Variants in THAP9 observed in about 807,000 individuals in gnomAD.
THAP9 encodes the protein DNA transposase THAP9.
THAP9 carries 20 observed loss-of-function variants against 35.7 expected under a neutral mutation model. The ratio of observed to expected loss-of-function variants is 0.56; its 90% confidence interval spans 0.39 to 0.81. The LOEUF (loss-of-function observed/expected upper bound fraction) is 0.81, where lower values mean the gene tolerates loss of function less well. Ranked by LOEUF, THAP9 falls within the 40% of genes least tolerant of loss-of-function variation. The pLI is 0.00. For missense variants in THAP9, 870 were observed against 1,047.4 expected (o/e 0.83, Z 2.34); for synonymous variants, 335 against 373.7 (o/e 0.90, Z 1.19).
chr4:82,916,829 T>G (rs1344692461), intron 4 of THAP9, 115 bp from the exon 5 acceptor site: 3 of 802,644 alleles, frequency 3.7e-6, no homozygotes, highest in Non-Finnish European at 5.4e-6. Flanking sequence ...TGGCTGCTTA[T>G]ATACTTGGCT....
Position 82,919,008 on chromosome 4 carries a change from C to G in THAP9, c.*84C>G, listed in dbSNP as rs536403458. 38 of 1,175,552 alleles carry G rather than the reference C, an allele frequency of 3.2e-5. No homozygotes were observed. The highest frequency in any genetic ancestry group is 4.6e-5 in the African/African-American group (3 of 64,680). 72.8% of individuals were successfully genotyped at this position (1,175,552 alleles called of 1,614,324 possible). On this transcript the variant is annotated 3_prime_UTR_variant, in exon 5 of 5. Transcript: ENST00000302236. ...TCAATTTACCATATTTTATAAATTG[C>G]GCATTCTGCACAGTGGACAAGTTTG... is the stretch of plus-strand genomic sequence containing the variant.
intron 2 of THAP9, among the ~76,000 whole-genome samples, chr4:82,905,376 T>A (rs1720602613): frequency 6.6e-6 from 1 of 152,176 alleles, no homozygotes; most frequent in Non-Finnish European, 1.5e-5. Flanking sequence ...TATGAGTGAG[T>A]CACCAGTATT....
intron 3 of THAP9, 69 bp from the exon 4 acceptor site, chr4:82,907,716 C>A: frequency 1.7e-6 from 2 of 1,160,822 alleles, no homozygotes; most frequent in Non-Finnish European, 2.4e-6. Flanking sequence ...ATTTTATATC[C>A]AAATGCTATA....
chr4:82,914,797 C>T (rs937028588), intron 4 of THAP9, among the ~76,000 whole-genome samples: 1 of 152,180 alleles, frequency 6.6e-6, no homozygotes, highest in African/African-American at 2.4e-5. Flanking sequence ...TTTTGCTGTG[C>T]AGAAGCTCTT....
intron 4 of THAP9, among the ~76,000 whole-genome samples, chr4:82,911,293 T>G: frequency 8.5e-6 from 1 of 117,316 alleles, no homozygotes; most frequent in African/African-American, 2.5e-5. Flanking sequence ...TTTTGTCTTT[T>G]AAAAAGATGG....
In THAP9 at chr4:82,917,920, CA is replaced by C; in HGVS notation, c.1713del (p.Lys571AsnfsTer2). The C allele has an allele frequency of 1.2e-6, 2 of 1,613,780 alleles. No individual in the cohort carries two copies. The highest frequency in any genetic ancestry group is 1.7e-6 in the Non-Finnish European group (2 of 1,179,906). On this transcript the variant is annotated frameshift_variant, in exon 5 of 5. Transcript: ENST00000302236. LOFTEE classifies it high-confidence loss of function. Reference sequence around the variant, plus strand: ...CAATAATCAAATAATTAAAGGTAAGCAAAAACTAGGATTCCTGGGATTTTTG... The same window carrying C: ...CAATAATCAAATAATTAAAGGTAAGCAAAACTAGGATTCCTGGGATTTTTG... ...TSNNQIIKGK[Q>X]KLGFLGFLLN...
In THAP9 at chr4:82,918,853, T is replaced by G; in HGVS notation, c.2641T>G (p.Cys881Gly). The change falls in exon 5 of 5, where the codon TGT becomes GGT. Residue 881 changes from cysteine to glycine, a missense_variant. Coordinates refer to ENST00000302236, the MANE Select transcript of THAP9 (RefSeq NM_024672.6). ...KHWSSVQDYK[C>G]SSFANTSSKF... Reference sequence around the variant, plus strand: ...CTGGTCATCTGTACAGGATTATAAATGTTCAAGTTTTGCTAATACCAGTAG... The same window carrying G: ...CTGGTCATCTGTACAGGATTATAAAGGTTCAAGTTTTGCTAATACCAGTAG... The G allele has an allele frequency of 6.2e-7, 1 of 1,612,670 alleles. No homozygotes were observed. Among genetic ancestry groups the G allele is most frequent in the Non-Finnish European group, 8.5e-7 (1 of 1,179,380 alleles).
At chr4:82,913,621 G>C (rs1408168206) in intron 4 of THAP9, among the ~76,000 whole-genome samples, 1 of 151,884 alleles carries the variant, frequency 6.6e-6, no homozygotes. Context: ...TTGTTACATA[G>C]GTAAACTCCT....
At chr4:82,916,208 T>A (rs762836408) in intron 4 of THAP9, among the ~76,000 whole-genome samples, 3 of 152,242 alleles carry the variant, frequency 2.0e-5, no homozygotes, top group Non-Finnish European at 2.9e-5. Context: ...TAAATGTGGC[T>A]GTTTTCTTTC....
chr4:82,912,463 CA>C lies in THAP9; in HGVS notation c.732-4480del, dbSNP rs140101364. Among the ~76,000 whole-genome samples, 1,095 of 152,122 alleles carry C rather than the reference CA, an allele frequency of 7.2e-3. 15 individuals are homozygous for C. Among genetic ancestry groups the C allele is most frequent in the Middle Eastern group, 0.01 (3 of 294 alleles). On this transcript the variant is annotated intron_variant, in intron 4 of 4. Coordinates refer to ENST00000302236, the MANE Select transcript of THAP9 (RefSeq NM_024672.6). ...TAGATCTCTAGGACTATATTTTTCC[CA>C]GGCAGAATTTTAGGCCACCCAAGTG...
In THAP9 at chr4:82,918,625, T is replaced by C. The variant is rs1377940520; in HGVS notation, c.2413T>C (p.Cys805Arg). The change falls in exon 5 of 5, where the codon TGT becomes CGT. Residue 805 changes from cysteine (C) to arginine (R), a missense_variant. Cys to Arg is a radical substitution (Grantham distance 180). Around this residue, in one of 3 missense-constraint regions of THAP9, gnomAD observed 414 missense variants for 500.8 expected, o/e 0.83. Coordinates refer to ENST00000302236, the MANE Select transcript of THAP9 (RefSeq NM_024672.6). ...ATTGTATCTTCAACAGAAAATATTATGTGAGCTTTCTGGGCATATTAATCT... is the reference window on the plus strand; with the variant it reads ...ATTGTATCTTCAACAGAAAATATTACGTGAGCTTTCTGGGCATATTAATCT... ...RELYLQQKIL[C>R]ELSGHINLFV... 4 of 1,614,124 alleles carry C rather than the reference T, an allele frequency of 2.5e-6. No homozygotes were observed. Among genetic ancestry groups the C allele is most frequent in the Admixed American group, 1.7e-5 (1 of 60,012 alleles).
intron 2 of THAP9, among the ~76,000 whole-genome samples, chr4:82,905,207 T>C (rs985212679): frequency 6.6e-6 from 1 of 152,198 alleles, no homozygotes; most frequent in Non-Finnish European, 1.5e-5. Context: ...ATAAATAGCC[T>C]TAGAATACAG....
rs376098095 is a variant in THAP9 at position 82,916,969 on chromosome 4, C to G, written c.757C>G (p.Pro253Ala). 2.0e-6 allele frequency: 3 copies of G among 1,534,092 alleles called. No individual in the cohort carries two copies. Among genetic ancestry groups the G allele is most frequent in the Non-Finnish European group, 2.6e-6 (3 of 1,143,128 alleles). Residue 253 changes from proline to alanine, a missense_variant, in exon 5 of 5, where the codon CCA becomes GCA. Coordinates refer to ENST00000302236, the MANE Select transcript of THAP9 (RefSeq NM_024672.6). The stretch of plus-strand genomic sequence containing the variant: ...GTGGTTATCCAAATGCCAACCCAGT[C>G]CAGGTTTCAACAGCAACATTTTTTC... ...RTWLSKCQPSPGFNSNIFSFL... is the reference protein window; with the variant it reads ...RTWLSKCQPSAGFNSNIFSFL...
rs780021107 is a variant in THAP9 at position 82,918,355 on chromosome 4, C to T, written c.2143C>T (p.Leu715Phe). ...LLDLSDHRRN[L>F]ICYAGYVANK... ...AGACCTGTCAGATCATAGGCGAAAT[C>T]TCATCTGTTATGCTGGTTATGTTGC... The change falls in exon 5 of 5, where the codon CTC (leucine) becomes TTC (phenylalanine). Residue 715 changes from leucine to phenylalanine, a missense_variant. Coordinates refer to ENST00000302236, the MANE Select transcript of THAP9 (RefSeq NM_024672.6). The T allele has an allele frequency of 1.2e-6, 2 of 1,614,028 alleles. No individual in the cohort carries two copies. Among genetic ancestry groups the T allele is most frequent in the East Asian group, 2.2e-5 (1 of 44,892 alleles).
At chr4:82,905,039 T>G (rs558960635) in intron 2 of THAP9, 108 bp downstream of exon 2, 4 of 919,990 alleles carry the variant, frequency 4.3e-6, no homozygotes, top group South Asian at 3.6e-5. Context: ...ACCCAAGTCT[T>G]AAATCCAGTA....
intron 4 of THAP9, among the ~76,000 whole-genome samples, chr4:82,908,757 G>A (rs1720753330): frequency 6.6e-6 from 1 of 152,052 alleles, no homozygotes; most frequent in Admixed American, 6.5e-5. Context: ...ACCACACCCA[G>A]CTACTATTTT....
chr4:82,908,662 G>A (rs865904900), intron 4 of THAP9, among the ~76,000 whole-genome samples: 3 of 152,144 alleles, frequency 2.0e-5, no homozygotes, highest in African/African-American at 4.8e-5. Context: ...GCACAATCTC[G>A]GCTCACTGCA....
rs1357756743 is a variant in THAP9 at position 82,917,105 on chromosome 4, G to T, written c.893G>T (p.Ser298Ile). ...CTTCAGTGGGATCCTAGCAGTCACA[G>T]TTTGCAGGGGTTTATGGACTTTGGT... Reference protein sequence around the residue: ...QQLQWDPSSHSLQGFMDFGLG... With the variant: ...QQLQWDPSSHILQGFMDFGLG... The change falls in exon 5 of 5, where the codon AGT becomes ATT. Residue 298 changes from serine to isoleucine, a missense_variant. Transcript: ENST00000302236. 12 of 1,613,112 alleles carry T rather than the reference G, an allele frequency of 7.4e-6. No homozygotes were observed. The East Asian group carries it at 2.7e-4, about 36-fold the overall frequency.
At chr4:82,909,762 T>C (rs1720798934) in intron 4 of THAP9, among the ~76,000 whole-genome samples, 2 of 152,184 alleles carry the variant, frequency 1.3e-5, no homozygotes, top group Non-Finnish European at 2.9e-5. Flanking sequence ...TTTATAAATA[T>C]TCACTTTTTG....
Sources: gnomAD v4.1 joint callset for allele counts (sites outside exome capture counted in the v4.1 genomes callset) on GRCh38, gnomAD v4.1.1 for gene constraint, gnomAD v4.1.1 regional missense constraint, MANE v1.5 for transcripts, NCBI Gene and HGNC (gene_info 2026-07-23, HGNC 2026-07-21) for gene names.